Variants in BNC2 observed in about 807,000 individuals in gnomAD.
BNC2 encodes zinc finger protein basonuclin-2.
In BNC2, 20 loss-of-function variants were observed where a neutral mutation model predicts 76.3. That is an observed-to-expected ratio of 0.26 (90% CI 0.18 to 0.38). The LOEUF is 0.38. Among genes scored for constraint, BNC2 ranks in the 10% least tolerant of loss-of-function variants. The pLI, the probability that BNC2 is intolerant of heterozygous loss-of-function variation, is 1.00. For missense variants in BNC2, 1,382 were observed against 1,399.8 expected, an observed-to-expected ratio of 0.99 and a Z score of 0.20; for synonymous variants, 582 against 514.8, an observed-to-expected ratio of 1.13 and a Z score of -1.77.
chr9:16,728,195 C>G lies in BNC2; in HGVS notation c.130-198G>C, dbSNP rs1004263727. ...ATAGATTGTGACTCCCCAAGCTTGC[C>G]TTTGCTCAGTTTAACAGCTGCCTGT... On this transcript the variant is annotated intron_variant, in intron 2 of 6. Transcript: ENST00000380672. The G allele has an allele frequency of 9.2e-6, 6 of 654,090 alleles. No individual in the cohort carries two copies. The Admixed American group carries it at 1.1e-4, about 12-fold the overall frequency. 40.5% of individuals were successfully genotyped at this position (654,090 alleles called of 1,614,324 possible).
chr9:16,812,308 G>A (rs1818073603), intron 1 of BNC2, among the ~76,000 whole-genome samples: 2 of 152,152 alleles, frequency 1.3e-5, no homozygotes, highest in South Asian at 4.1e-4. Flanking sequence ...ACAAAACCAG[G>A]GAATATTATC....
At position 16,436,382 on chromosome 9, in the gene BNC2, G is replaced by T. The variant is rs936836401; in HGVS notation, c.1812C>A (p.His604Gln). 2 of 1,614,184 alleles carry T rather than the reference G, an allele frequency of 1.2e-6. No homozygotes were observed. The highest frequency in any genetic ancestry group is 2.2e-5 in the South Asian group (2 of 91,086). Reference protein sequence around the residue: ...IIPTSGTIEQHPPPPSEPVVP... With the variant: ...IIPTSGTIEQQPPPPSEPVVP... Reference sequence around the variant, plus strand: ...CTACTGGCTCAGAGGGTGGCGGGGGGTGCTGCTCTATGGTACCACTGGTTG... The same window carrying T: ...CTACTGGCTCAGAGGGTGGCGGGGGTTGCTGCTCTATGGTACCACTGGTTG... Residue 604 changes from histidine to glutamine, a missense_variant, in exon 6 of 7, where the codon CAC (histidine) becomes CAA (glutamine). By Grantham distance (24) the His-to-Gln change is conservative (BLOSUM62 0). Around this residue, in one of 3 missense-constraint regions of BNC2, gnomAD observed 798 missense variants for 775.5 expected, o/e 1.03. Coordinates refer to ENST00000380672, the MANE Select transcript of BNC2 (RefSeq NM_017637.6).
chr9:16,696,958 C>T (rs1239396263), intron 3 of BNC2, among the ~76,000 whole-genome samples: 2 of 152,212 alleles, frequency 1.3e-5, no homozygotes, highest in Admixed American at 1.3e-4. Context: ...AATGATTCTT[C>T]TCCTCTTATT....
In BNC2 at chr9:16,449,062, C is replaced by A. The variant is rs368906156; in HGVS notation, c.670-11538G>T. ...AAATATAGATCAAATACAGAATAAT[C>A]AGAGTAAACAATCAATATATGTTAC... On this transcript the variant is annotated intron_variant, in intron 5 of 6. Coordinates refer to ENST00000380672, the MANE Select transcript of BNC2 (RefSeq NM_017637.6). 4.4e-4 allele frequency among the ~76,000 whole-genome samples: 67 copies of A among 152,184 alleles called. 1 individual carries two copies. The South Asian group carries it at 4.8e-3, about 11-fold the overall frequency.
intron 3 of BNC2, among the ~76,000 whole-genome samples, chr9:16,608,356 C>A (rs767149081): frequency 1.3e-5 from 2 of 152,082 alleles, no homozygotes; most frequent in African/African-American, 2.4e-5. Context: ...CTTCCCCCTC[C>A]CTCTGTCTCT....
At chr9:16,515,339 C>T (rs1238323470) in intron 5 of BNC2, among the ~76,000 whole-genome samples, 1 of 152,164 alleles carries the variant, frequency 6.6e-6, no homozygotes, top group Admixed American at 6.5e-5. Context: ...TTGCTGGGCT[C>T]CAGTCATCCC....
chr9:16,858,999 TCAA>T (rs903323949), intron 1 of BNC2, among the ~76,000 whole-genome samples: 41 of 151,826 alleles, frequency 2.7e-4, no homozygotes, highest in African/African-American at 9.2e-4. Flanking sequence ...CTCTTAAAAC[TCAA>T]CAACAACAAA....
chr9:16,685,456 C>G (rs1587314671), intron 3 of BNC2: 1 of 733,444 alleles, frequency 1.4e-6, no homozygotes, highest in Non-Finnish European at 2.1e-6. Context: ...GTTGTCTTTT[C>G]CTGATGACGC....
At chr9:16,666,031 C>T (rs1312366074) in intron 3 of BNC2, among the ~76,000 whole-genome samples, 1 of 152,102 alleles carries the variant, frequency 6.6e-6, no homozygotes, top group African/African-American at 2.4e-5. Context: ...CATTTCAATG[C>T]AGATATTTAT....
chr9:16,816,467 G>A (rs1347230726), intron 1 of BNC2, among the ~76,000 whole-genome samples: 2 of 152,126 alleles, frequency 1.3e-5, no homozygotes, highest in Admixed American at 6.6e-5. Flanking sequence ...TCCCTTGACT[G>A]AACTGAGTTT....
At chr9:16,602,341 A>C (rs954243202) in intron 3 of BNC2, among the ~76,000 whole-genome samples, 1 of 152,136 alleles carries the variant, frequency 6.6e-6, no homozygotes, top group Non-Finnish European at 1.5e-5. Context: ...CTTCATAGAG[A>C]TTTTCATAGG....
At position 16,738,411 on chromosome 9, in the gene BNC2, C is replaced by T; in HGVS notation, c.78G>A (p.Trp26Ter). 1.2e-6 allele frequency: 2 copies of T among 1,614,052 alleles called. No individual in the cohort carries two copies. Among genetic ancestry groups the T allele is most frequent in the African/African-American group, 2.7e-5 (2 of 75,024 alleles). ...KSEDRLSEQD[W>*]PAYFKVPCCG... ...AACATGGGACCTTGAAATATGCTGG[C>T]CAGTCTTGCTCACTAAGCCTGTCCT... Residue 26 changes from tryptophan (W) to a stop codon, truncating the protein, a stop_gained, in exon 2 of 7, where the codon TGG becomes TGA. Coordinates refer to ENST00000380672, the MANE Select transcript of BNC2 (RefSeq NM_017637.6). LOFTEE classifies it high-confidence loss of function.
At chr9:16,784,766 G>C (rs79094641) in intron 1 of BNC2, among the ~76,000 whole-genome samples, 322 of 152,226 alleles carry the variant, frequency 2.1e-3, no homozygotes, top group African/African-American at 7.5e-3. Flanking sequence ...GGAATGAAAA[G>C]GAGTTAAAAG....
chr9:16,638,829 C>T, intron 3 of BNC2, among the ~76,000 whole-genome samples: 1 of 152,126 alleles, frequency 6.6e-6, no homozygotes, highest in Admixed American at 6.5e-5. Flanking sequence ...TCTAAACGCA[C>T]ATAAATTGCC....
intron 5 of BNC2, among the ~76,000 whole-genome samples, chr9:16,494,876 T>C (rs1822354219): frequency 1.3e-5 from 2 of 152,106 alleles, no homozygotes; most frequent in South Asian, 2.1e-4. Flanking sequence ...AAATACCTAA[T>C]GTAAATGATG....
intron 3 of BNC2, among the ~76,000 whole-genome samples, chr9:16,723,488 T>C (rs1446201254): frequency 1.2e-5 from 1 of 84,182 alleles, no homozygotes; most frequent in Non-Finnish European, 2.5e-5. Flanking sequence ...AGTGAATAAA[T>C]ACTCAAAAAA....
intron 3 of BNC2, among the ~76,000 whole-genome samples, chr9:16,630,745 G>GTTTTTTTTTTTTT (rs1237990061): frequency 2.2e-4 from 16 of 73,770 alleles, no homozygotes; most frequent in African/African-American, 5.4e-4. Flanking sequence ...AATGTGGAGC[G>GTTTTTTTTTTTTT]TTTCTTTTTT....
At chr9:16,744,832 A>G (rs1301535350) in intron 1 of BNC2, among the ~76,000 whole-genome samples, 9 of 152,236 alleles carry the variant, frequency 5.9e-5, no homozygotes, top group Admixed American at 5.9e-4. Flanking sequence ...AGCTTATAGC[A>G]TTTCAGTGCT....
intron 4 of BNC2, among the ~76,000 whole-genome samples, chr9:16,560,529 C>T (rs1818978484): frequency 6.8e-6 from 1 of 146,560 alleles, no homozygotes; most frequent in South Asian, 2.2e-4. Flanking sequence ...CTGGACAACA[C>T]AGTGAAACCA....
Sources: gnomAD v4.1 joint callset for allele counts (sites outside exome capture counted in the v4.1 genomes callset) on GRCh38, gnomAD v4.1.1 for gene constraint, gnomAD v4.1.1 regional missense constraint, MANE v1.5 for transcripts, NCBI Gene and HGNC (gene_info 2026-07-23, HGNC 2026-07-21) for gene names.